DGKZ: variants seen among roughly 807,000 people sequenced by gnomAD.
The protein encoded by DGKZ is diacylglycerol kinase zeta, also known as DAG kinase zeta.
In DGKZ, 45 loss-of-function variants were observed where a neutral mutation model predicts 142.5. The ratio of observed to expected loss-of-function variants is 0.32; its 90% confidence interval spans 0.25 to 0.40. The LOEUF is 0.40. Ranked by LOEUF, DGKZ falls within the 10% of genes least tolerant of loss-of-function variation. The probability of loss-of-function intolerance (pLI) is 1.00; values close to 1 mark genes in which losing one functional copy is unlikely to be tolerated. For missense variants in DGKZ, 755 were observed against 1,306.5 expected (o/e 0.58, Z 6.51); for synonymous variants, 442 against 527.0 (o/e 0.84, Z 2.21).
chr11:46,379,242 T>TA lies in DGKZ; in HGVS notation c.2573+7dup, dbSNP rs773289926. 6.2e-7 allele frequency: 1 copy of TA among 1,603,698 alleles called. No individual in the cohort carries two copies. The highest frequency in any genetic ancestry group is 8.5e-7 in the Non-Finnish European group (1 of 1,171,040). On this transcript the variant is annotated splice_region_variant and intron_variant, in intron 29 of 30. Transcript: ENST00000527911. ...CTTGATGCGGTGGAGGAAAAGTAAG[T>TA]ATCTGGGCAGTGCAGAACCGTGGTC...
In DGKZ at chr11:46,366,455, G is replaced by C. The variant is rs765973149; in HGVS notation, c.162-836G>C. On this transcript the variant is annotated intron_variant, in intron 1 of 30. Coordinates refer to ENST00000527911, the Ensembl canonical transcript of DGKZ. ...CTGCCTCCTGAGTTGCGGGGTGAGG[G>C]CCCAGGGTTCCAGCCGCCGGCGCTC... 53 of 1,557,540 alleles carry C rather than the reference G, an allele frequency of 3.4e-5. No individual in the cohort carries two copies. The South Asian group carries it at 5.9e-4, about 17-fold the overall frequency.
At chr11:46,359,313 C>T (rs1337902122) in intron 1 of DGKZ, among the ~76,000 whole-genome samples, 1 of 149,274 alleles carries the variant, frequency 6.7e-6, no homozygotes, top group Non-Finnish European at 1.5e-5. Flanking sequence ...GGCATGGTGG[C>T]CCATGCCTGT....
intron 1 of DGKZ, among the ~76,000 whole-genome samples, chr11:46,338,080 G>A (rs1269695501): frequency 3.3e-5 from 5 of 152,242 alleles, no homozygotes; most frequent in Admixed American, 1.3e-4. Context: ...CATAGACAAC[G>A]TGTAAGTGAA....
chr11:46,372,195 T>C lies in DGKZ; in HGVS notation c.927+25T>C. On this transcript the variant is annotated intron_variant, in intron 10 of 30. Coordinates refer to ENST00000527911, the Ensembl canonical transcript of DGKZ. The surrounding 1 kb of genome is among the most constrained non-coding windows in gnomAD (Gnocchi z 5.9). ...GGTGAACGCGGCCTTGCCTCTCAGC[T>C]AAGGGCTCGGGCGGGGGTTGGGGTC... 1 of 1,576,210 alleles carries C rather than the reference T, an allele frequency of 6.3e-7. No homozygotes were observed. The highest frequency in any genetic ancestry group is 8.6e-7 in the Non-Finnish European group (1 of 1,157,836).
chr11:46,371,386 T>G lies in DGKZ; in HGVS notation c.642+2T>G. 6.2e-7 allele frequency: 1 copy of G among 1,613,680 alleles called. No individual in the cohort carries two copies. The highest frequency in any genetic ancestry group is 8.5e-7 in the Non-Finnish European group (1 of 1,179,912). On this transcript the variant is annotated splice_donor_variant, in intron 7 of 30. Coordinates refer to ENST00000527911, the Ensembl canonical transcript of DGKZ. LOFTEE classifies it high-confidence loss of function. Reference sequence around the variant, plus strand: ...AGCTGCTCGTGGTGCAAGCAGGCAGTGAGTGGTGCCCCCGCCCCCAGGGCC... The same window carrying G: ...AGCTGCTCGTGGTGCAAGCAGGCAGGGAGTGGTGCCCCCGCCCCCAGGGCC...
intron 1 of DGKZ, among the ~76,000 whole-genome samples, chr11:46,337,932 G>A (rs566913509): frequency 3.9e-5 from 6 of 152,242 alleles, no homozygotes; most frequent in East Asian, 1.9e-4. Context: ...CCTGGGTGTG[G>A]GCCAAGCATT....
chr11:46,355,841 G>T (rs1223718655), intron 1 of DGKZ, among the ~76,000 whole-genome samples: 1 of 152,096 alleles, frequency 6.6e-6, no homozygotes, highest in Non-Finnish European at 1.5e-5. Context: ...CTGCCTCTGA[G>T]GTTCAAGCGA....
intron 1 of DGKZ, among the ~76,000 whole-genome samples, chr11:46,357,733 C>T (rs1364006197): frequency 6.6e-6 from 1 of 152,238 alleles, no homozygotes; most frequent in East Asian, 1.9e-4. Flanking sequence ...AGAAGCAGGC[C>T]TCCCAGGGCT....
intron 27 of DGKZ, 34 bp downstream of exon 27, chr11:46,378,534 C>T: frequency 3.1e-6 from 5 of 1,613,000 alleles, no homozygotes; most frequent in Non-Finnish European, 4.2e-6. Context: ...CTTCCCCCAG[C>T]AGCTCCCTCG....
intron 9 of DGKZ, 135 bp downstream of exon 9, chr11:46,371,910 G>A: frequency 7.9e-7 from 1 of 1,270,418 alleles, no homozygotes; most frequent in Non-Finnish European, 1.1e-6. Context: ...TCTGAGGAAG[G>A]CAGGATTAGA....
chr11:46,367,771 G>C lies in DGKZ; in HGVS notation c.366+24G>C, dbSNP rs759356413. 1.2e-6 allele frequency: 2 copies of C among 1,610,882 alleles called. No individual in the cohort carries two copies. The highest frequency in any genetic ancestry group is 1.7e-5 in the Admixed American group (1 of 59,974). ...TGGTGAGTGCTCGTAGGGGCACGCC[G>C]CCCCCTGCTGGTGGAGCCAGTAGCC... On this transcript the variant is annotated intron_variant, in intron 3 of 30. Coordinates refer to ENST00000527911, the Ensembl canonical transcript of DGKZ. This position sits in a 1 kb window ranked among gnomAD's most constrained non-coding sequence, Gnocchi z 4.1.
At chr11:46,375,682 T>C in intron 20 of DGKZ, 51 bp downstream of exon 20, 1 of 1,520,518 alleles carries the variant, frequency 6.6e-7, no homozygotes, top group South Asian at 1.2e-5. Context: ...GACCCTGCCC[T>C]CTCTGGGCCT....
intron 15 of DGKZ, 52 bp from the exon 16 acceptor site, chr11:46,374,347 A>T: frequency 1.9e-6 from 3 of 1,613,248 alleles, no homozygotes; most frequent in Non-Finnish European, 2.5e-6. Flanking sequence ...CCCCAACCCC[A>T]CCTGGGCAGG....
At chr11:46,369,807 T>C (rs1300719069) in intron 5 of DGKZ, 134 bp from the exon 6 acceptor site, 1 of 1,007,074 alleles carries the variant, frequency 9.9e-7, no homozygotes, top group Non-Finnish European at 1.5e-6. Flanking sequence ...AGAGAGTCTT[T>C]AGCCCCTCCT....
chr11:46,357,742 C>T (rs1421514702), intron 1 of DGKZ, among the ~76,000 whole-genome samples: 2 of 152,252 alleles, frequency 1.3e-5, no homozygotes, highest in Non-Finnish European at 2.9e-5. Flanking sequence ...CCTCCCAGGG[C>T]TCTAGTGGCA....
chr11:46,335,723 G>A (rs146052590), intron 1 of DGKZ, among the ~76,000 whole-genome samples: 77 of 152,318 alleles, frequency 5.1e-4, no homozygotes, highest in African/African-American at 1.7e-3. Context: ...TCTCAGAGCC[G>A]AACAAGGCAT....
intron 25 of DGKZ, chr11:46,377,514 G>A (rs1483673061): frequency 1.6e-5 from 7 of 433,674 alleles, no homozygotes; most frequent in East Asian, 3.9e-5. Context: ...AGCCCTTCCC[G>A]GCTGCCACGC....
chr11:46,345,399 C>T (rs1436960479), upstream of DGKZ: 6 of 1,423,032 alleles, frequency 4.2e-6, 1 homozygote, highest in Middle Eastern at 4.9e-4. The surrounding 1 kb of genome is among the most constrained non-coding windows in gnomAD (Gnocchi z 4.1). Context: ...GGAAGAGAGT[C>T]GCCGGGCAGG....
chr11:46,345,440 G>C (rs776460045), upstream of DGKZ: 15 of 1,466,504 alleles, frequency 1.0e-5, no homozygotes, highest in Admixed American at 6.0e-5. This position sits in a 1 kb window ranked among gnomAD's most constrained non-coding sequence, Gnocchi z 4.1. Context: ...CCACAGTGCC[G>C]GGGGAAGCTG....
Sources: gnomAD v4.1 joint callset for allele counts (sites outside exome capture counted in the v4.1 genomes callset) on GRCh38, gnomAD v4.1.1 for gene constraint, Gnocchi (gnomAD v3.1) non-coding constraint, MANE v1.5 for transcripts, NCBI Gene and HGNC (gene_info 2026-07-23, HGNC 2026-07-21) for gene names.